STPG2: variants seen among roughly 807,000 people sequenced by gnomAD.
STPG2 encodes sperm tail PG-rich repeat containing 2.
STPG2 carries 56 observed loss-of-function variants against 54.2 expected under a neutral mutation model. The observed-to-expected ratio is 1.03, with a 90% confidence interval of 0.83 to 1.29. STPG2 has a LOEUF of 1.29. STPG2 is among the 50% of genes most tolerant of loss of function. The probability of loss-of-function intolerance (pLI) is 0.00; values close to 1 mark genes in which losing one functional copy is unlikely to be tolerated. For missense variants in STPG2, 596 were observed against 544.9 expected, an observed-to-expected ratio of 1.09 and a Z score of -0.93; for synonymous variants, 200 against 181.8, an observed-to-expected ratio of 1.10 and a Z score of -0.81.
At chr4:98,097,092 AAAG>A (rs1208194555) in intron 5 of STPG2, among the ~76,000 whole-genome samples, 1 of 152,196 alleles carries the variant, frequency 6.6e-6, no homozygotes, top group African/African-American at 2.4e-5. Flanking sequence ...AAAAAATAGA[AAAG>A]AAGAGATTAC....
At chr4:97,610,047 T>TTC (rs1733694869) in intron 10 of STPG2, among the ~76,000 whole-genome samples, 1 of 151,982 alleles carries the variant, frequency 6.6e-6, no homozygotes, top group Admixed American at 6.6e-5. Context: ...AAAAAGATAA[T>TTC]TTTCCTGAGA....
chr4:98,014,636 C>T (rs1465088567), intron 5 of STPG2, among the ~76,000 whole-genome samples: 1 of 152,136 alleles, frequency 6.6e-6, no homozygotes, highest in Non-Finnish European at 1.5e-5. Flanking sequence ...ATTAGAGTTA[C>T]AAGTGATGTA....
intron 5 of STPG2, among the ~76,000 whole-genome samples, chr4:98,036,209 C>T (rs755981249): frequency 9.9e-5 from 15 of 151,904 alleles, no homozygotes; most frequent in Admixed American, 3.9e-4. Flanking sequence ...ACTGTTGGTG[C>T]GACTGTAAAT....
At chr4:97,473,728 T>A (rs1433633957) in intron 4 of STPG2, among the ~76,000 whole-genome samples, 1 of 152,092 alleles carries the variant, frequency 6.6e-6, no homozygotes, top group Non-Finnish European at 1.5e-5. Flanking sequence ...ACTTGCTGGT[T>A]TCACGGCTCA....
intron 8 of STPG2, among the ~76,000 whole-genome samples, chr4:97,875,288 G>A (rs1484626399): frequency 6.6e-6 from 1 of 151,690 alleles, no homozygotes; most frequent in Non-Finnish European, 1.5e-5. Flanking sequence ...TTTTTCCATA[G>A]CGGCTATACA....
intron 8 of STPG2, among the ~76,000 whole-genome samples, chr4:97,897,917 C>T (rs949557786): frequency 2.6e-5 from 4 of 151,336 alleles, no homozygotes; most frequent in Non-Finnish European, 4.4e-5. Flanking sequence ...TAATTAGATC[C>T]CTCTTGTCAA....
intron 8 of STPG2, among the ~76,000 whole-genome samples, chr4:97,845,670 A>G (rs1288395243): frequency 1.3e-5 from 2 of 152,232 alleles, no homozygotes; most frequent in African/African-American, 2.4e-5. Flanking sequence ...GTAAGTCTTG[A>G]TAAACTATTA....
At chr4:97,917,656 C>A (rs185367935) in intron 8 of STPG2, among the ~76,000 whole-genome samples, 75 of 152,130 alleles carry the variant, frequency 4.9e-4, no homozygotes, top group African/African-American at 1.8e-3. Context: ...AAAAATATAT[C>A]TTAAAAGCTA....
rs1158853421 is a variant in STPG2, at chr4:97,674,922, T to A, written c.1320+37777A>T. Among the ~76,000 whole-genome samples the A allele has an allele frequency of 9.9e-5, 15 of 152,194 alleles. No individual in the cohort carries two copies. The East Asian group carries it at 2.9e-3, about 29-fold the overall frequency. On this transcript the variant is annotated intron_variant, in intron 10 of 10. Coordinates refer to ENST00000295268, the MANE Select transcript of STPG2 (RefSeq NM_174952.3). Reference sequence around the variant, plus strand: ...TTCTACCCTCTACAGTGCCTCTTACTAACTGTTATTACCTAAGGTAAAGCC... The same window carrying A: ...TTCTACCCTCTACAGTGCCTCTTACAAACTGTTATTACCTAAGGTAAAGCC...
At chr4:98,101,469 T>C (rs1322799543) in intron 5 of STPG2, among the ~76,000 whole-genome samples, 56 of 151,888 alleles carry the variant, frequency 3.7e-4, no homozygotes, top group Admixed American at 3.6e-3. Flanking sequence ...CTGAGAGGTG[T>C]GAAGGAGTGA....
intron 9 of STPG2, among the ~76,000 whole-genome samples, chr4:97,787,140 A>G (rs969208166): frequency 3.3e-5 from 5 of 152,064 alleles, no homozygotes; most frequent in African/African-American, 1.2e-4. Flanking sequence ...TACTACATAC[A>G]AAATCGTATC....
intron 10 of STPG2, among the ~76,000 whole-genome samples, chr4:97,628,667 A>G (rs978489762): frequency 1.3e-5 from 2 of 152,268 alleles, no homozygotes; most frequent in South Asian, 4.1e-4. Flanking sequence ...TACAGATAGC[A>G]GAATTCAGTT....
At chr4:97,696,820 C>G (rs1463224365) in intron 10 of STPG2, among the ~76,000 whole-genome samples, 2 of 152,078 alleles carry the variant, frequency 1.3e-5, no homozygotes, top group African/African-American at 4.8e-5. Flanking sequence ...CAAATCAAAC[C>G]CACAATGTAA....
intron 9 of STPG2, among the ~76,000 whole-genome samples, chr4:97,811,655 G>GTCC (rs1235743632): frequency 6.6e-6 from 1 of 150,812 alleles, no homozygotes; most frequent in Non-Finnish European, 1.5e-5. Context: ...TTATACTCAT[G>GTCC]TCCTAAAGGA....
chr4:97,845,794 C>T (rs1728931736), intron 8 of STPG2, among the ~76,000 whole-genome samples: 1 of 152,076 alleles, frequency 6.6e-6, no homozygotes, highest in Admixed American at 6.6e-5. Flanking sequence ...GATTTTTATG[C>T]TAAATTCCAA....
At chr4:98,027,417 TG>T in intron 5 of STPG2, among the ~76,000 whole-genome samples, 1 of 152,156 alleles carries the variant, frequency 6.6e-6, no homozygotes, top group Non-Finnish European at 1.5e-5. Flanking sequence ...GCTCAAAGTC[TG>T]AAATCTAATC....
intron 10 of STPG2, among the ~76,000 whole-genome samples, chr4:97,641,250 A>G (rs1308860428): frequency 6.6e-6 from 1 of 151,662 alleles, no homozygotes; most frequent in African/African-American, 2.4e-5. Flanking sequence ...TGTAACTGCT[A>G]GAACTAAGAA....
intron 10 of STPG2, among the ~76,000 whole-genome samples, chr4:97,574,567 G>A (rs1016913077): frequency 2.0e-5 from 3 of 151,944 alleles, no homozygotes; most frequent in Non-Finnish European, 4.4e-5. Context: ...CATCTCTCTG[G>A]GTTTAGGACA....
At chr4:97,483,377 A>G (rs951026790) in intron 4 of STPG2, among the ~76,000 whole-genome samples, 2 of 151,958 alleles carry the variant, frequency 1.3e-5, no homozygotes, top group Non-Finnish European at 3.0e-5. Flanking sequence ...AGGGGTAGAA[A>G]AAGACATTTC....
Sources: gnomAD v4.1 joint callset for allele counts (sites outside exome capture counted in the v4.1 genomes callset) on GRCh38, gnomAD v4.1.1 for gene constraint, MANE v1.5 for transcripts, NCBI Gene and HGNC (gene_info 2026-07-23, HGNC 2026-07-21) for gene names.